Variants in KPNA5 observed in about 807,000 individuals in gnomAD.
KPNA5 encodes the protein importin subunit alpha-6.
Under a neutral mutation model 71.3 loss-of-function variants are expected in KPNA5, and 46 were observed. The observed-to-expected ratio is 0.65, with a 90% CI of 0.51 to 0.83. The LOEUF is 0.83. Ranked by LOEUF, KPNA5 falls within the 40% of genes least tolerant of loss-of-function variation. KPNA5 has a pLI of 0.00. For synonymous variants in KPNA5, 207 were observed against 201.4 expected (o/e 1.03, Z -0.24); for missense variants, 547 against 628.3 (o/e 0.87, Z 1.38).
chr6:116,699,088 T>TC (rs1166187659), intron 5 of KPNA5, among the ~76,000 whole-genome samples: 1 of 152,130 alleles, frequency 6.6e-6, no homozygotes, highest in Non-Finnish European at 1.5e-5. Context: ...TTAGAAAACT[T>TC]CAGACTAAAA....
intron 1 of KPNA5, chr6:116,681,671 C>A (rs1328334465): frequency 1.2e-5 from 5 of 417,052 alleles, no homozygotes; most frequent in Non-Finnish European, 1.4e-5. Context: ...CCAAACGTTG[C>A]CACTCATACC....
intron 4 of KPNA5, among the ~76,000 whole-genome samples, chr6:116,694,638 C>G (rs938757319): frequency 6.6e-6 from 1 of 151,484 alleles, no homozygotes; most frequent in African/African-American, 2.4e-5. Flanking sequence ...AGATTTTGGG[C>G]TGAGACGATG....
rs184027169 is a variant in KPNA5 at position 116,706,407 on chromosome 6, A to C, written c.656+1247A>C. 1.4e-3 allele frequency among the ~76,000 whole-genome samples: 213 copies of C among 152,346 alleles called. 1 individual carries two copies. Among genetic ancestry groups the C allele is most frequent in the African/African-American group, 4.5e-3 (189 of 41,586 alleles). ...TAGTAATAGTTATAAAAACAATTTC[A>C]GGCTGGGCGTGGTGGCTCACGCCTG... On this transcript the variant is annotated intron_variant, in intron 7 of 13. Coordinates refer to ENST00000368564, the MANE Select transcript of KPNA5 (RefSeq NM_001366306.2).
At chr6:116,698,841 C>T (rs970933284) in intron 5 of KPNA5, 43 bp downstream of exon 5, 1 of 1,169,930 alleles carries the variant, frequency 8.5e-7, no homozygotes. Context: ...CTAGAAATGA[C>T]ATGTTAAAGT....
At chr6:116,687,414 G>A (rs35863134) in intron 1 of KPNA5, among the ~76,000 whole-genome samples, 6,807 of 152,276 alleles carry the variant, frequency 0.045, 233 homozygotes, top group Non-Finnish European at 0.072. Context: ...GGGCTAATAG[G>A]AGCAGCTTGA....
rs2114512630 is a variant in KPNA5, at chr6:116,732,308, T to C, written c.1605T>C (p.Asp535=). The C allele has an allele frequency of 1.3e-6, 2 of 1,509,736 alleles. No individual in the cohort carries two copies. Among genetic ancestry groups the C allele is most frequent in the Non-Finnish European group, 1.8e-6 (2 of 1,125,660 alleles). 93.5% of individuals were successfully genotyped at this position (1,509,736 alleles called of 1,614,324 possible). ...TTCAGCAGCAGGAAGCACCAATGGA[T>C]GGATTTCAACTTTAACTTACTGGAG... The part of the protein sequence containing the change: ...FIFQQQEAPM[D]GFQL The change falls in exon 14 of 14, where the codon GAT becomes GAC. Residue 535 remains aspartate, a synonymous_variant. Coordinates refer to ENST00000368564, the MANE Select transcript of KPNA5 (RefSeq NM_001366306.2).
chr6:116,689,342 AG>A lies in KPNA5; in HGVS notation c.28del (p.Asp10IlefsTer5), dbSNP rs764252496. On this transcript the variant is annotated frameshift_variant, in exon 2 of 14. Coordinates refer to ENST00000368564, the MANE Select transcript of KPNA5 (RefSeq NM_001366306.2). LOFTEE classifies it high-confidence loss of function. ...AAGATGCCATGGCTAGTCCAGGGAAAGATAACTATAGAATGAAAAGTTATAA... is the reference window on the plus strand; with the variant it reads ...AAGATGCCATGGCTAGTCCAGGGAAAATAACTATAGAATGAAAAGTTATAA... MDAMASPGK[D>X]NYRMKSYKNK... is the part of the protein sequence containing the mutation. 1.2e-6 allele frequency: 2 copies of A among 1,603,988 alleles called. No homozygotes were observed. Among genetic ancestry groups the A allele is most frequent in the Non-Finnish European group, 1.7e-6 (2 of 1,177,430 alleles).
chr6:116,702,017 A>G lies in KPNA5; in HGVS notation c.436-2A>G. 6.3e-7 allele frequency: 1 copy of G among 1,584,516 alleles called. No individual in the cohort carries two copies. The highest frequency in any genetic ancestry group is 8.5e-7 in the Non-Finnish European group (1 of 1,170,204). On this transcript the variant is annotated splice_acceptor_variant, in intron 5 of 13. Coordinates refer to ENST00000368564, the MANE Select transcript of KPNA5 (RefSeq NM_001366306.2). LOFTEE classifies it high-confidence loss of function. Reference sequence around the variant, plus strand: ...TTTATTTTACCTTTTTTTTCTTCTTAGTTTGAAGCTGCATGGGCATTAACA... The same window carrying G: ...TTTATTTTACCTTTTTTTTCTTCTTGGTTTGAAGCTGCATGGGCATTAACA...
At chr6:116,685,131 A>G (rs1347597428) in intron 1 of KPNA5, among the ~76,000 whole-genome samples, 2 of 152,218 alleles carry the variant, frequency 1.3e-5, no homozygotes, top group Non-Finnish European at 2.9e-5. Context: ...GAAACCACCC[A>G]GATGTTCTTT....
chr6:116,681,451 C>A, intron 1 of KPNA5, 113 bp downstream of exon 1: 1 of 1,431,446 alleles, frequency 7.0e-7, no homozygotes, highest in Non-Finnish European at 9.2e-7. Context: ...GCGAAGGTCT[C>A]TGGAACCTGG....
chr6:116,681,483 T>C, intron 1 of KPNA5, 145 bp downstream of exon 1: 1 of 1,381,282 alleles, frequency 7.2e-7, no homozygotes, highest in Non-Finnish European at 9.4e-7. Context: ...GTTTCTCGTG[T>C]TTTCCCCAGG....
At chr6:116,703,497 A>C (rs764594498) in intron 6 of KPNA5, among the ~76,000 whole-genome samples, 35 of 152,124 alleles carry the variant, frequency 2.3e-4, no homozygotes, top group Admixed American at 4.6e-4. Flanking sequence ...TCCTGACTTC[A>C]GGTGATCTGC....
chr6:116,690,950 C>T (rs760898411), intron 2 of KPNA5, among the ~76,000 whole-genome samples: 1 of 152,062 alleles, frequency 6.6e-6, no homozygotes, highest in Non-Finnish European at 1.5e-5. Flanking sequence ...GTATTATTGT[C>T]GGGCTCAGTG....
At chr6:116,709,140 T>A (rs1778556495) in intron 7 of KPNA5, among the ~76,000 whole-genome samples, 2 of 152,302 alleles carry the variant, frequency 1.3e-5, no homozygotes, top group African/African-American at 4.8e-5. Flanking sequence ...CACTAATAGT[T>A]TTTTTGTAGA....
Position 116,724,377 on chromosome 6 carries a change from T to C in KPNA5, c.999+2T>C. ...ACTGGTGATGATATTCAAACACAGG[T>C]GAGTTCAAACTTGAGTATCATAAAT... On this transcript the variant is annotated splice_donor_variant, in intron 10 of 13. Coordinates refer to ENST00000368564, the MANE Select transcript of KPNA5 (RefSeq NM_001366306.2). LOFTEE classifies it high-confidence loss of function. 1 of 1,602,704 alleles carries C rather than the reference T, an allele frequency of 6.2e-7. No homozygotes were observed. Among genetic ancestry groups the C allele is most frequent in the Non-Finnish European group, 8.5e-7 (1 of 1,170,142 alleles).
In KPNA5 at chr6:116,738,158, A is replaced by G. The variant is rs1479992505; in HGVS notation, c.*5835A>G. On this transcript the variant is annotated 3_prime_UTR_variant, in exon 14 of 14. Coordinates refer to ENST00000368564, the MANE Select transcript of KPNA5 (RefSeq NM_001366306.2). Reference sequence around the variant, plus strand: ...AATCAAATAGACGCAATAAAAAATGATAAAGGGGATATCACCACCGATCCC... The same window carrying G: ...AATCAAATAGACGCAATAAAAAATGGTAAAGGGGATATCACCACCGATCCC... 6.6e-6 allele frequency: 1 copy of G among 152,140 alleles called. No homozygotes were observed. Among genetic ancestry groups the G allele is most frequent in the Non-Finnish European group, 1.5e-5 (1 of 68,004 alleles). The allele number at this position is 152,140 out of a possible 1,614,324, so 9.4% of individuals were successfully genotyped here.
intron 7 of KPNA5, among the ~76,000 whole-genome samples, chr6:116,712,707 C>A (rs946866089): frequency 6.6e-6 from 1 of 152,118 alleles, no homozygotes; most frequent in African/African-American, 2.4e-5. Context: ...TCAAGCGATT[C>A]TCCTGCATTG....
intron 8 of KPNA5, among the ~76,000 whole-genome samples, chr6:116,718,181 G>T (rs1778963794): frequency 6.6e-6 from 1 of 151,722 alleles, no homozygotes; most frequent in Non-Finnish European, 1.5e-5. Context: ...GAGTATACCT[G>T]ACCTTCTTCA....
In KPNA5 at chr6:116,692,324, T is replaced by G; in HGVS notation, c.272T>G (p.Met91Arg). 2 of 1,604,240 alleles carry G rather than the reference T, an allele frequency of 1.2e-6. No individual in the cohort carries two copies. Among genetic ancestry groups the G allele is most frequent in the Non-Finnish European group, 1.7e-6 (2 of 1,176,678 alleles). ...GTTGTTACTACAGATATGGTTCAGA[T>G]GATTTTTTCTAATAATGCTGATCAA... is the stretch of plus-strand genomic sequence containing the variant. ...EEVVTTDMVQ[M>R]IFSNNADQQL... The change falls in exon 4 of 14, where the codon ATG becomes AGG. Residue 91 changes from methionine (M) to arginine (R), a missense_variant. Transcript: ENST00000368564.
Sources: allele counts gnomAD v4.1 joint callset (sites outside exome capture counted in the v4.1 genomes callset), GRCh38; gene constraint gnomAD v4.1.1; transcripts MANE v1.5; gene names NCBI Gene and HGNC (gene_info 2026-07-23, HGNC 2026-07-21).